Variants in HDAC9 observed in about 807,000 individuals in gnomAD.
The protein encoded by HDAC9 is histone deacetylase 9.
HDAC9 carries 41 observed loss-of-function variants against 139.4 expected under a neutral mutation model. That is an observed-to-expected ratio of 0.29 (90% CI 0.23 to 0.38). The LOEUF (loss-of-function observed/expected upper bound fraction) is 0.38. Ranked by LOEUF, HDAC9 falls within the 10% of genes least tolerant of loss-of-function variation. HDAC9 has a pLI of 1.00. For missense variants in HDAC9, 1,147 were observed against 1,297.0 expected (o/e 0.88, Z 1.78); for synonymous variants, 517 against 476.2 (o/e 1.09, Z -1.12).
At chr7:18,792,645 T>G (rs1792426388) in intron 16 of HDAC9, among the ~76,000 whole-genome samples, 1 of 152,200 alleles carries the variant, frequency 6.6e-6, no homozygotes, top group Non-Finnish European at 1.5e-5. Context: ...TTTTACTGGC[T>G]TATCCAATTT....
rs576611320 is a variant in HDAC9, at chr7:18,628,575, G to T, written c.665-775G>T. ...AAGTATAATTATTTTGAAATAAGTG[G>T]TATTATTTTAAAAATAGTGAAGCTC... is the stretch of plus-strand genomic sequence containing the variant. On this transcript the variant is annotated intron_variant, in intron 6 of 25. Coordinates refer to ENST00000686413, the MANE Select transcript of HDAC9 (RefSeq NM_178425.4). Among the ~76,000 whole-genome samples the T allele has an allele frequency of 1.1e-4, 16 of 152,180 alleles. 1 individual carries two copies. Among genetic ancestry groups the T allele is most frequent in the African/African-American group, 3.9e-4 (16 of 41,522 alleles).
At chr7:18,595,444 A>T (rs2128850459) in intron 6 of HDAC9, among the ~76,000 whole-genome samples, 1 of 152,200 alleles carries the variant, frequency 6.6e-6, no homozygotes, top group East Asian at 1.9e-4. Flanking sequence ...AAAGTGATCC[A>T]TAAAGGACAG....
chr7:18,695,079 C>T (rs1197071472), intron 12 of HDAC9, among the ~76,000 whole-genome samples: 1 of 152,070 alleles, frequency 6.6e-6, no homozygotes, highest in African/African-American at 2.4e-5. Flanking sequence ...TAACATTATT[C>T]TAAACAATTA....
At chr7:18,523,036 GA>G (rs1201548037) in intron 2 of HDAC9, among the ~76,000 whole-genome samples, 1 of 152,168 alleles carries the variant, frequency 6.6e-6, no homozygotes, top group East Asian at 1.9e-4. Flanking sequence ...GCAATATTGA[GA>G]AGGCCTGGGA....
chr7:18,788,087 C>A (rs1431253468), intron 16 of HDAC9, among the ~76,000 whole-genome samples: 1 of 152,148 alleles, frequency 6.6e-6, no homozygotes, highest in Admixed American at 6.5e-5. Context: ...AACCTCTCTG[C>A]ACCACCTGAC....
At chr7:18,443,014 A>G (rs1006850961) in intron 1 of HDAC9, among the ~76,000 whole-genome samples, 5 of 152,228 alleles carry the variant, frequency 3.3e-5, no homozygotes, top group Admixed American at 3.3e-4. Context: ...AAAACAACAC[A>G]ACTCAATGGG....
chr7:18,241,714 T>G (rs534412559), intron 2 of HDAC9, among the ~76,000 whole-genome samples: 1 of 152,334 alleles, frequency 6.6e-6, no homozygotes, highest in African/African-American at 2.4e-5. Flanking sequence ...CAGTGTTTCC[T>G]GACACTGAAT....
At chr7:18,319,957 G>C (rs1194135994) in intron 1 of HDAC9, among the ~76,000 whole-genome samples, 1 of 152,032 alleles carries the variant, frequency 6.6e-6, no homozygotes, top group Admixed American at 6.5e-5. Flanking sequence ...TTTTGTTGTT[G>C]TTGATGACCA....
chr7:18,282,688 G>A (rs894788088), intron 2 of HDAC9, among the ~76,000 whole-genome samples: 6 of 152,076 alleles, frequency 3.9e-5, no homozygotes, highest in Non-Finnish European at 8.8e-5. Context: ...GAACTTCACA[G>A]TGCATCCATA....
chr7:18,722,484 A>C (rs558481197), intron 12 of HDAC9, among the ~76,000 whole-genome samples: 48 of 152,274 alleles, frequency 3.2e-4, no homozygotes, highest in Non-Finnish European at 6.6e-4. Flanking sequence ...ACTTACTTAG[A>C]TGTATAAACA....
intron 2 of HDAC9, among the ~76,000 whole-genome samples, chr7:18,241,398 T>A (rs139239866): frequency 6.6e-6 from 1 of 152,272 alleles, no homozygotes; most frequent in African/African-American, 2.4e-5. Context: ...TTTCCATTAT[T>A]GGGAGCTCTT....
intron 13 of HDAC9, among the ~76,000 whole-genome samples, chr7:18,742,299 A>C (rs920866615): frequency 3.3e-5 from 5 of 152,210 alleles, no homozygotes; most frequent in African/African-American, 1.2e-4. Flanking sequence ...TTCAGTAACT[A>C]CTACCCTGAT....
chr7:18,855,593 C>T (rs1194488559), intron 21 of HDAC9, among the ~76,000 whole-genome samples: 15 of 151,924 alleles, frequency 9.9e-5, no homozygotes, highest in Non-Finnish European at 1.8e-4. Flanking sequence ...CACTCCTTTT[C>T]AACTGCCTGT....
chr7:18,734,288 G>C (rs1786675425), intron 13 of HDAC9, among the ~76,000 whole-genome samples: 2 of 152,140 alleles, frequency 1.3e-5, no homozygotes, highest in African/African-American at 4.8e-5. Flanking sequence ...GTGCAGGTTT[G>C]ATACATAGGT....
At chr7:18,142,806 A>G (rs1489926707) in intron 1 of HDAC9, among the ~76,000 whole-genome samples, 4 of 152,128 alleles carry the variant, frequency 2.6e-5, no homozygotes, top group South Asian at 2.1e-4. Flanking sequence ...GGTCAAGACT[A>G]TTCAGCTTCA....
chr7:18,597,724 C>T (rs1265848163), intron 6 of HDAC9, among the ~76,000 whole-genome samples: 1 of 152,006 alleles, frequency 6.6e-6, no homozygotes, highest in East Asian at 1.9e-4. Context: ...GAGGTTTTAC[C>T]CAATGAACTT....
chr7:18,480,641 A>C (rs1367384966), intron 1 of HDAC9, among the ~76,000 whole-genome samples: 3 of 152,180 alleles, frequency 2.0e-5, no homozygotes, highest in Non-Finnish European at 4.4e-5. Flanking sequence ...AGGAAAGGAA[A>C]TAGAGTTTTA....
At chr7:18,087,906 C>G (rs1781896687) in intron 1 of HDAC9, 1 of 152,288 alleles carries the variant, frequency 6.6e-6, no homozygotes, top group Non-Finnish European at 1.5e-5. Flanking sequence ...GGTGTCAGGC[C>G]TGTGTGTCTG....
intron 6 of HDAC9, among the ~76,000 whole-genome samples, chr7:18,615,945 A>G (rs896669177): frequency 6.6e-6 from 1 of 152,182 alleles, no homozygotes; most frequent in African/African-American, 2.4e-5. Flanking sequence ...AAATGAAGGC[A>G]TCACCCTGGC....
Sources: gnomAD v4.1 joint callset for allele counts (sites outside exome capture counted in the v4.1 genomes callset) on GRCh38, gnomAD v4.1.1 for gene constraint, MANE v1.5 for transcripts, NCBI Gene and HGNC (gene_info 2026-07-23, HGNC 2026-07-21) for gene names.